PAM: variants seen among roughly 807,000 people sequenced by gnomAD.
PAM encodes peptidyl-glycine alpha-amidating monooxygenase.
A neutral mutation model predicts 122.1 loss-of-function variants in PAM; 72 were observed. The ratio of observed to expected loss-of-function variants is 0.59; its 90% confidence interval spans 0.49 to 0.72. The LOEUF (loss-of-function observed/expected upper bound fraction) is 0.72. PAM is among the 30% of genes least tolerant of loss of function. The pLI, the probability that PAM is intolerant of heterozygous loss-of-function variation, is 0.00. For missense variants in PAM, 1,106 were observed against 1,183.7 expected, an observed-to-expected ratio of 0.93 and a Z score of 0.96; for synonymous variants, 389 against 404.4, an observed-to-expected ratio of 0.96 and a Z score of 0.46.
rs71226932 is a variant in PAM, at chr5:103,011,378, TCACACACA to T, written c.2331+1528_2331+1535del. On this transcript the variant is annotated intron_variant, in intron 21 of 25. Coordinates refer to ENST00000438793, the MANE Select transcript of PAM (RefSeq NM_001177306.2). ...CATACACACACACACAAACACACACTCACACACACACACACACACACACTCTCTCTCTC... is the reference window on the plus strand; with the variant it reads ...CATACACACACACACAAACACACACTCACACACACACACACTCTCTCTCTC... Among the ~76,000 whole-genome samples the T allele has an allele frequency of 2.9e-3, 429 of 148,724 alleles. 2 individuals carry two copies. The highest frequency in any genetic ancestry group is 9.6e-3 in the African/African-American group (387 of 40,446).
intron 12 of PAM, among the ~76,000 whole-genome samples, chr5:102,952,721 T>C (rs1759355468): frequency 6.6e-6 from 1 of 152,160 alleles, no homozygotes; most frequent in African/African-American, 2.4e-5. Flanking sequence ...CTCTGTTTTA[T>C]AAAATAATAG....
chr5:102,986,046 A>G (rs1038282667), intron 15 of PAM, among the ~76,000 whole-genome samples: 46 of 152,186 alleles, frequency 3.0e-4, no homozygotes, highest in Non-Finnish European at 6.0e-4. Flanking sequence ...TCTTCATGAC[A>G]AAAACTCTCA....
intron 24 of PAM, among the ~76,000 whole-genome samples, chr5:103,026,602 T>TTATA (rs762770257): frequency 2.0e-4 from 30 of 152,314 alleles, no homozygotes; most frequent in Non-Finnish European, 3.5e-4. Flanking sequence ...CTTCATGGTG[T>TTATA]TATATAGATG....
chr5:102,977,197 G>C (rs1184482238), intron 15 of PAM, among the ~76,000 whole-genome samples: 1 of 152,018 alleles, frequency 6.6e-6, no homozygotes, highest in Non-Finnish European at 1.5e-5. Flanking sequence ...AACACCTGAG[G>C]GTTTCAAAAA....
intron 14 of PAM, among the ~76,000 whole-genome samples, chr5:102,973,832 T>C (rs1030073650): frequency 1.3e-5 from 2 of 152,142 alleles, no homozygotes; most frequent in Non-Finnish European, 2.9e-5. Context: ...AACTATACTT[T>C]GAAAACCATT....
At chr5:102,845,980 G>A (rs1244640206) in intron 1 of PAM, among the ~76,000 whole-genome samples, 1 of 152,180 alleles carries the variant, frequency 6.6e-6, no homozygotes, top group Non-Finnish European at 1.5e-5. Context: ...CCCTTAGGCT[G>A]TAGTAGTTTC....
chr5:102,783,172 C>A (rs1377518830), intron 1 of PAM, among the ~76,000 whole-genome samples: 1 of 150,420 alleles, frequency 6.6e-6, no homozygotes, highest in Non-Finnish European at 1.5e-5. Context: ...CCAGGATCAG[C>A]TACACAGTTT....
intron 3 of PAM, among the ~76,000 whole-genome samples, chr5:102,881,129 T>TACACACACACACACACACACACACACAC: frequency 6.9e-6 from 1 of 145,802 alleles, no homozygotes; most frequent in African/African-American, 2.6e-5. Context: ...TTTTTATACA[T>TACACACACACACACACACACACACACAC]ACACACACAC....
chr5:102,889,164 C>T (rs995137322), intron 3 of PAM, among the ~76,000 whole-genome samples: 6 of 151,922 alleles, frequency 3.9e-5, no homozygotes, highest in Non-Finnish European at 7.4e-5. Context: ...GCCTGCTCCA[C>T]GCTCCAGGAG....
rs1785478517 is a variant in PAM, at chr5:102,866,139, C to T, written c.-57C>T. ...GCGGCGCCGCTGCCCAACCGCCAGC[C>T]CCAGCCCCGCGCTGCGCTGCCCGGT... On this transcript the variant is annotated 5_prime_UTR_variant, in exon 2 of 26. Transcript: ENST00000438793. 4.7e-6 allele frequency: 6 copies of T among 1,280,876 alleles called. No individual in the cohort carries two copies. Among genetic ancestry groups the T allele is most frequent in the South Asian group, 3.6e-5 (3 of 83,496 alleles). 79.3% of individuals were successfully genotyped at this position (1,280,876 alleles called of 1,614,324 possible).
At chr5:102,829,251 T>C (rs1277139787) in intron 1 of PAM, among the ~76,000 whole-genome samples, 2 of 152,132 alleles carry the variant, frequency 1.3e-5, no homozygotes, top group African/African-American at 4.8e-5. Flanking sequence ...TAAATGGTTA[T>C]AATTAACAAA....
chr5:102,799,991 C>T (rs1348122176), intron 1 of PAM, among the ~76,000 whole-genome samples: 1 of 152,216 alleles, frequency 6.6e-6, no homozygotes. Context: ...CCCAAATTTA[C>T]ATTTCCAGTC....
At chr5:102,775,957 AC>A (rs1342433373) in intron 1 of PAM, among the ~76,000 whole-genome samples, 29 of 152,258 alleles carry the variant, frequency 1.9e-4, no homozygotes, top group Middle Eastern at 3.4e-3. Context: ...ATTCCCACTA[AC>A]AGTGTAAAAA....
At chr5:102,758,073 GTTTTTTTTTTTT>G (rs1168917285) in intron 1 of PAM, among the ~76,000 whole-genome samples, 13 of 24,812 alleles carry the variant, frequency 5.2e-4, no homozygotes, top group South Asian at 1.8e-3. Flanking sequence ...TTAGAATTTT[GTTTTTTTTTTTT>G]TTTTTTTTTT....
intron 1 of PAM, among the ~76,000 whole-genome samples, chr5:102,848,044 A>G (rs1780380527): frequency 6.6e-6 from 1 of 152,214 alleles, no homozygotes; most frequent in South Asian, 2.1e-4. Flanking sequence ...TGCAGAATAT[A>G]TAGAATGATC....
At chr5:102,816,356 G>A (rs779935762) in intron 1 of PAM, among the ~76,000 whole-genome samples, 11 of 152,138 alleles carry the variant, frequency 7.2e-5, no homozygotes, top group Admixed American at 1.3e-4. Context: ...CATTATAGGA[G>A]GAGAGAGAAG....
intron 1 of PAM, among the ~76,000 whole-genome samples, chr5:102,844,080 C>G (rs763277628): frequency 6.6e-5 from 10 of 152,144 alleles, no homozygotes; most frequent in Non-Finnish European, 1.5e-4. Context: ...AAAAGGTGAA[C>G]AGTTAACCTA....
intron 1 of PAM, among the ~76,000 whole-genome samples, chr5:102,801,720 A>G (rs890924186): frequency 6.6e-6 from 1 of 152,056 alleles, no homozygotes; most frequent in African/African-American, 2.4e-5. Context: ...AGATTCACAA[A>G]AATGCTCTAC....
intron 1 of PAM, among the ~76,000 whole-genome samples, chr5:102,853,822 G>C (rs1410385199): frequency 6.6e-6 from 1 of 152,244 alleles, no homozygotes; most frequent in African/African-American, 2.4e-5. Flanking sequence ...GTGAAGCCCA[G>C]AGTCACTGCC....
Sources: gnomAD v4.1 joint callset for allele counts (sites outside exome capture counted in the v4.1 genomes callset) on GRCh38, gnomAD v4.1.1 for gene constraint, MANE v1.5 for transcripts, NCBI Gene and HGNC (gene_info 2026-07-23, HGNC 2026-07-21) for gene names.